Variants in PHF7 observed in about 807,000 individuals in gnomAD.
PHF7 encodes the protein E3 ubiquitin-protein ligase PHF7.
PHF7 carries 24 observed loss-of-function variants against 47.5 expected under a neutral mutation model. The ratio of observed to expected loss-of-function variants is 0.51; its 90% CI spans 0.37 to 0.71. PHF7 has a LOEUF of 0.71. Ranked by LOEUF, PHF7 falls within the 30% of genes least tolerant of loss-of-function variation. The pLI is 0.00. For synonymous variants in PHF7, 156 were observed against 153.8 expected, an observed-to-expected ratio of 1.01 and a Z score of -0.11; for missense variants, 361 against 456.8, an observed-to-expected ratio of 0.79 and a Z score of 1.91.
At position 52,422,204 on chromosome 3, in the gene PHF7, T is replaced by C. The variant is rs1443990304; in HGVS notation, c.681-18T>C. On this transcript the variant is annotated intron_variant, in intron 8 of 10. Coordinates refer to ENST00000327906, the MANE Select transcript of PHF7 (RefSeq NM_016483.7). ...CAACCCATTATGTTCTTATTCACTG[T>C]TTCTTCTCCCACTGCAGAGATGCTG... The C allele has an allele frequency of 6.5e-7, 1 of 1,533,788 alleles. No homozygotes were observed. Among genetic ancestry groups the C allele is most frequent in the Admixed American group, 1.7e-5 (1 of 59,938 alleles).
In PHF7 at chr3:52,411,074, G is replaced by A. The variant is rs1705411195; in HGVS notation, c.-243G>A. 6.6e-6 allele frequency: 1 copy of A among 152,138 alleles called. No individual in the cohort carries two copies. Among genetic ancestry groups the A allele is most frequent in the South Asian group, 2.1e-4 (1 of 4,816 alleles). The allele number at this position is 152,138 out of a possible 1,614,324, so 9.4% of individuals were successfully genotyped here. On this transcript the variant is annotated 5_prime_UTR_variant, in exon 1 of 11. Coordinates refer to ENST00000327906, the MANE Select transcript of PHF7 (RefSeq NM_016483.7). ...AGTGAAACAACTTGATAATCGTTTC[G>A]AGGGGCGTCCGCCGGGTTAGGAAGC... is the stretch of plus-strand genomic sequence containing the variant.
rs577721996 is a variant in PHF7, at chr3:52,422,012, G to A, written c.681-210G>A. Reference sequence around the variant, plus strand: ...GGGGGTTGAGTTATTGGATTCCAGAGTGGAACTAAGGAACCTGCATGCATG... The same window carrying A: ...GGGGGTTGAGTTATTGGATTCCAGAATGGAACTAAGGAACCTGCATGCATG... On this transcript the variant is annotated intron_variant, in intron 8 of 10. Coordinates refer to ENST00000327906, the MANE Select transcript of PHF7 (RefSeq NM_016483.7). 5.0e-6 allele frequency: 3 copies of A among 601,626 alleles called. No homozygotes were observed. In the South Asian group the frequency reaches 5.9e-5, roughly 12 times the overall value. The allele number at this position is 601,626 out of a possible 1,614,324, so 37.3% of individuals were successfully genotyped here.
intron 10 of PHF7, 79 bp downstream of exon 10, chr3:52,422,960 C>T (rs1705838999): frequency 6.3e-7 from 1 of 1,580,174 alleles, no homozygotes; most frequent in Non-Finnish European, 8.7e-7. Context: ...AGGAGGAAGA[C>T]ATCCCACCAG....
intron 5 of PHF7, 87 bp downstream of exon 5, chr3:52,420,021 C>T (rs1349057471): frequency 2.4e-6 from 2 of 840,042 alleles, no homozygotes; most frequent in African/African-American, 3.4e-5. Flanking sequence ...TTCCCTACTT[C>T]CTAGTTTAGA....
intron 3 of PHF7, 123 bp from the exon 4 acceptor site, chr3:52,414,373 C>A (rs559165371): frequency 2.9e-6 from 2 of 686,164 alleles, no homozygotes; most frequent in Non-Finnish European, 5.2e-6. Flanking sequence ...TTCCTCCTTG[C>A]CAAAATGACC....
In PHF7 at chr3:52,420,018, C is replaced by T; in HGVS notation, c.288+84C>T. 1.2e-6 allele frequency: 1 copy of T among 852,224 alleles called. No homozygotes were observed. Among genetic ancestry groups the T allele is most frequent in the East Asian group, 2.6e-5 (1 of 38,058 alleles). The allele number at this position is 852,224 out of a possible 1,614,324, so 52.8% of individuals were successfully genotyped here. On this transcript the variant is annotated intron_variant, in intron 5 of 10. Transcript: ENST00000327906. ...ATTCCTGTTTCTGTTCTCTTCCCTA[C>T]TTCCTAGTTTAGATGTCAAAGGACT...
At chr3:52,422,669 C>T in intron 9 of PHF7, 91 bp from the exon 10 acceptor site, 2 of 1,342,888 alleles carry the variant, frequency 1.5e-6, no homozygotes, top group South Asian at 1.2e-5. Flanking sequence ...GTAAAATGTG[C>T]TGTAAAAAAT....
At position 52,414,058 on chromosome 3, in the gene PHF7, A is replaced by C. The variant is rs1705546940; in HGVS notation, c.94+10A>C. On this transcript the variant is annotated intron_variant, in intron 3 of 10. Transcript: ENST00000327906. ...CCGTCTTCAGGGCCTGGTAAGAAAGACTGGAGCTTGTGTTCGCCCACTGCC... is the reference window on the plus strand; with the variant it reads ...CCGTCTTCAGGGCCTGGTAAGAAAGCCTGGAGCTTGTGTTCGCCCACTGCC... 1 of 1,605,832 alleles carries C rather than the reference A, an allele frequency of 6.2e-7. No individual in the cohort carries two copies. The highest frequency in any genetic ancestry group is 8.5e-7 in the Non-Finnish European group (1 of 1,172,430).
chr3:52,414,154 C>T, intron 3 of PHF7, 106 bp downstream of exon 3: 1 of 745,126 alleles, frequency 1.3e-6, no homozygotes, highest in Non-Finnish European at 2.4e-6. Context: ...CCCAGCCCTA[C>T]TTCCTTCCTA....
In PHF7 at chr3:52,420,406, T is replaced by C. The variant is rs1278392049; in HGVS notation, c.384T>C (p.Gly128=). ...ATCTGCCTTGTGGCCAAGAAAGGGG[T>C]TGCCTTTCACAATTTTTTGGAGAGT... ...NFHLPCGQER[G]CLSQFFGEYK... Residue 128 remains glycine (G), a synonymous_variant, in exon 6 of 11, where the codon GGT becomes GGC. Coordinates refer to ENST00000327906, the MANE Select transcript of PHF7 (RefSeq NM_016483.7). 4.2e-5 allele frequency: 68 copies of C among 1,613,766 alleles called. No individual in the cohort carries two copies. The highest frequency in any genetic ancestry group is 5.7e-5 in the Non-Finnish European group (67 of 1,179,854).
chr3:52,420,062 T>G, intron 5 of PHF7, 128 bp downstream of exon 5: 1 of 722,248 alleles, frequency 1.4e-6, no homozygotes. Flanking sequence ...TTCCAACTAG[T>G]CCTTAAGTCC....
chr3:52,422,778 G>A lies in PHF7; in HGVS notation c.816G>A (p.Leu272=), dbSNP rs1443402255. The part of the protein sequence containing the change: ...FEDEGRWCLI[L]CATCGSHGTH... Reference sequence around the variant, plus strand: ...CCTCTAGGAGGTGGTGCCTCATTCTGTGTGCTACATGCGGATCCCACGGAA... The same window carrying A: ...CCTCTAGGAGGTGGTGCCTCATTCTATGTGCTACATGCGGATCCCACGGAA... The change falls in exon 10 of 11, where the codon CTG becomes CTA. Residue 272 remains leucine (L), a synonymous_variant. Coordinates refer to ENST00000327906, the MANE Select transcript of PHF7 (RefSeq NM_016483.7). 1 of 1,614,126 alleles carries A rather than the reference G, an allele frequency of 6.2e-7. No homozygotes were observed. The highest frequency in any genetic ancestry group is 8.5e-7 in the Non-Finnish European group (1 of 1,179,982).
intron 1 of PHF7, among the ~76,000 whole-genome samples, chr3:52,411,936 T>C (rs1191460929): frequency 2.6e-5 from 4 of 152,006 alleles, no homozygotes; most frequent in Non-Finnish European, 5.9e-5. Flanking sequence ...ATAGGAGAGG[T>C]CAGGCCTGGT....
chr3:52,414,134 T>TTC lies in PHF7; in HGVS notation c.94+95_94+96dup, dbSNP rs979550407. On this transcript the variant is annotated intron_variant, in intron 3 of 10. Coordinates refer to ENST00000327906, the MANE Select transcript of PHF7 (RefSeq NM_016483.7). ...CTGTGTGGGGCAGTATACTTGCTTC[T>TTC]TCTCTCTCTCCCAGCCCTACTTCCT... The TTC allele has an allele frequency of 5.8e-6, 5 of 865,336 alleles. No individual in the cohort carries two copies. The African/African-American group carries it at 8.4e-5, about 15-fold the overall frequency. The allele number at this position is 865,336 out of a possible 1,614,324, so 53.6% of individuals were successfully genotyped here.
At position 52,414,518 on chromosome 3, in the gene PHF7, A is replaced by C; in HGVS notation, c.117A>C (p.Glu39Asp). 1.2e-6 allele frequency: 2 copies of C among 1,611,852 alleles called. No homozygotes were observed. The highest frequency in any genetic ancestry group is 1.7e-6 in the Non-Finnish European group (2 of 1,178,502). ...SGPVCWLCLR[E>D]PGDPEKLGEF... ...CAGTTTGCTGGCTATGCCTTCGAGA[A>C]CCTGGGGATCCCGAAAAATTAGGGG... The change falls in exon 4 of 11, where the codon GAA becomes GAC. Residue 39 changes from glutamate to aspartate, a missense_variant. By Grantham distance (45) the Glu-to-Asp change is conservative. Coordinates refer to ENST00000327906, the MANE Select transcript of PHF7 (RefSeq NM_016483.7).
intron 4 of PHF7, among the ~76,000 whole-genome samples, chr3:52,419,515 C>T (rs943693210): frequency 1.3e-5 from 2 of 151,748 alleles, no homozygotes; most frequent in Admixed American, 6.6e-5. Flanking sequence ...CTGCAAGCTC[C>T]ACCCTCTCGG....
chr3:52,412,085 G>A (rs1248329037), intron 1 of PHF7, among the ~76,000 whole-genome samples: 1 of 152,140 alleles, frequency 6.6e-6, no homozygotes, highest in Non-Finnish European at 1.5e-5. Flanking sequence ...CATGGCACCT[G>A]TGGTCCCAGC....
At chr3:52,421,581 TG>T in intron 7 of PHF7, 66 bp from the exon 8 acceptor site, 1 of 883,942 alleles carries the variant, frequency 1.1e-6, no homozygotes, top group Non-Finnish European at 1.9e-6. Flanking sequence ...GGGGTGAGGG[TG>T]GGAGGAGAAA....
intron 4 of PHF7, among the ~76,000 whole-genome samples, chr3:52,417,857 A>G (rs1011705638): frequency 2.6e-5 from 4 of 152,176 alleles, no homozygotes; most frequent in African/African-American, 7.2e-5. Flanking sequence ...CTTGTTCCCA[A>G]CATCAGGGGA....
Sources: allele counts gnomAD v4.1 joint callset (sites outside exome capture counted in the v4.1 genomes callset), GRCh38; gene constraint gnomAD v4.1.1; transcripts MANE v1.5; gene names NCBI Gene and HGNC (gene_info 2026-07-23, HGNC 2026-07-21).